Variants in AZIN2 observed in about 807,000 individuals in gnomAD.
AZIN2 encodes ODC antizyme inhibitor-2.
In AZIN2, 28 loss-of-function variants were observed where a neutral mutation model predicts 47.8. The ratio of observed to expected loss-of-function variants is 0.59; its 90% CI spans 0.43 to 0.80. AZIN2 has a LOEUF of 0.80. Among genes scored for constraint, AZIN2 ranks in the 30% least tolerant of loss-of-function variants. AZIN2 has a pLI of 0.00. For missense variants in AZIN2, 535 were observed against 582.5 expected, an observed-to-expected ratio of 0.92 and a Z score of 0.84; for synonymous variants, 221 against 239.4, an observed-to-expected ratio of 0.92 and a Z score of 0.71.
the AZIN2 span, among the ~76,000 whole-genome samples, chr1:33,152,383 T>C: frequency 2.0e-5 from 3 of 152,090 alleles, no homozygotes; most frequent in Non-Finnish European, 2.9e-5. Flanking sequence ...CTGGCCAACA[T>C]GTAGAAACCC....
At chr1:33,111,605 T>G (rs1172019103) in intron 10 of AZIN2, among the ~76,000 whole-genome samples, 1 of 149,606 alleles carries the variant, frequency 6.7e-6, no homozygotes, top group African/African-American at 2.4e-5. Context: ...AATATATGAA[T>G]AATTTTTTTT....
the AZIN2 span, chr1:33,165,627 C>A: frequency 7.0e-7 from 1 of 1,437,878 alleles, no homozygotes; most frequent in Non-Finnish European, 9.4e-7. The surrounding 1 kb of genome is among the most constrained non-coding windows in gnomAD (Gnocchi z 4.0). Flanking sequence ...GCATTCAGCC[C>A]TGACCACTGC....
chr1:33,159,696 C>T, the AZIN2 span: 1 of 1,607,614 alleles, frequency 6.2e-7, no homozygotes, highest in African/African-American at 1.3e-5. This position sits in a 1 kb window ranked among gnomAD's most constrained non-coding sequence, Gnocchi z 4.2. Context: ...ACCGCTCGGA[C>T]AGTGAGGCCA....
chr1:33,107,083 T>C (rs997925238), intron 10 of AZIN2, among the ~76,000 whole-genome samples: 2 of 151,580 alleles, frequency 1.3e-5, no homozygotes, highest in African/African-American at 4.9e-5. Context: ...GGTCAGGAGT[T>C]CAAGACCACC....
chr1:33,109,327 C>CTTT (rs1231170138), intron 10 of AZIN2, among the ~76,000 whole-genome samples: 9 of 138,010 alleles, frequency 6.5e-5, no homozygotes, highest in Non-Finnish European at 1.4e-4. Flanking sequence ...TTTTCTTTTT[C>CTTT]TTTTTTTTTT....
downstream of AZIN2, among the ~76,000 whole-genome samples, chr1:33,126,345 T>A (rs6693621): frequency 0.025 from 3,767 of 152,304 alleles, 153 homozygotes; most frequent in African/African-American, 0.084. Context: ...AAAGAACTAC[T>A]GATCACAATG....
At chr1:33,086,938 A>G (rs1436163781) in intron 5 of AZIN2, among the ~76,000 whole-genome samples, 1 of 151,602 alleles carries the variant, frequency 6.6e-6, no homozygotes, top group East Asian at 1.9e-4. Context: ...CACTTTCACT[A>G]CTCCAAAGAA....
chr1:33,097,567 G>A (rs1186690951), intron 9 of AZIN2, among the ~76,000 whole-genome samples: 3 of 152,218 alleles, frequency 2.0e-5, no homozygotes, highest in Non-Finnish European at 2.9e-5. Flanking sequence ...CCTCAGGACT[G>A]TGCGCTTTTC....
intron 10 of AZIN2, among the ~76,000 whole-genome samples, chr1:33,103,223 C>T (rs1167838989): frequency 6.6e-6 from 1 of 152,140 alleles, no homozygotes; most frequent in Non-Finnish European, 1.5e-5. Flanking sequence ...CTGTGGCTTC[C>T]CATTGCTCTC....
At chr1:33,090,539 T>C (rs776649156) in intron 5 of AZIN2, among the ~76,000 whole-genome samples, 5 of 152,230 alleles carry the variant, frequency 3.3e-5, no homozygotes, top group Admixed American at 6.5e-5. Context: ...CTTGGTCTGG[T>C]GGACTTTCTA....
At chr1:33,142,900 GATA>G in the AZIN2 span, 1 of 151,958 alleles carries the variant, frequency 6.6e-6, no homozygotes, top group Non-Finnish European at 1.5e-5. Context: ...CAAACACTGA[GATA>G]ATGATACCAA....
the AZIN2 span, among the ~76,000 whole-genome samples, chr1:33,152,867 A>C: frequency 6.6e-6 from 1 of 152,106 alleles, no homozygotes; most frequent in Non-Finnish European, 1.5e-5. Context: ...GCAGCCCAGG[A>C]TGGGGAGAAG....
At chr1:33,108,517 A>AT in intron 10 of AZIN2, among the ~76,000 whole-genome samples, 1 of 151,936 alleles carries the variant, frequency 6.6e-6, no homozygotes, top group South Asian at 2.1e-4. Flanking sequence ...TACTTTTTGT[A>AT]TTTTTAGTAG....
the AZIN2 span, among the ~76,000 whole-genome samples, chr1:33,133,018 C>A: frequency 6.6e-6 from 1 of 152,352 alleles, no homozygotes; most frequent in South Asian, 2.1e-4. Flanking sequence ...GAGTGCACTC[C>A]TTGGAGGAGG....
At chr1:33,134,074 G>T in the AZIN2 span, among the ~76,000 whole-genome samples, 17 of 152,330 alleles carry the variant, frequency 1.1e-4, no homozygotes, top group Middle Eastern at 6.8e-3. Flanking sequence ...ACCCAGATCC[G>T]CATGTTGCCA....
At chr1:33,156,920 T>G in the AZIN2 span, among the ~76,000 whole-genome samples, 6 of 144,376 alleles carry the variant, frequency 4.2e-5, no homozygotes, top group African/African-American at 1.5e-4. Context: ...ATGTCCTAAA[T>G]CCCACCCCTT....
At chr1:33,144,724 C>T in the AZIN2 span, among the ~76,000 whole-genome samples, 1 of 152,194 alleles carries the variant, frequency 6.6e-6, no homozygotes, top group Admixed American at 6.5e-5. Flanking sequence ...TAACTCCCAG[C>T]CAGGATGCTT....
chr1:33,104,279 CT>C (rs1295538461), intron 10 of AZIN2, among the ~76,000 whole-genome samples: 1 of 152,178 alleles, frequency 6.6e-6, no homozygotes, highest in Non-Finnish European at 1.5e-5. Context: ...TTTATATCCT[CT>C]GTTCACTTAA....
chr1:33,132,918 G>A, the AZIN2 span, among the ~76,000 whole-genome samples: 4 of 152,234 alleles, frequency 2.6e-5, no homozygotes, highest in Admixed American at 6.5e-5. Flanking sequence ...AAGCATGGGG[G>A]AATGTTTTAA....
Sources: gnomAD v4.1 joint callset for allele counts (sites outside exome capture counted in the v4.1 genomes callset) on GRCh38, gnomAD v4.1.1 for gene constraint, Gnocchi (gnomAD v3.1) non-coding constraint, MANE v1.5 for transcripts, NCBI Gene and HGNC (gene_info 2026-07-23, HGNC 2026-07-21) for gene names.